BCAR3: variants seen among roughly 807,000 people sequenced by gnomAD.
BCAR3 encodes breast cancer anti-estrogen resistance protein 3.
Under a neutral mutation model 80.1 loss-of-function variants are expected in BCAR3, and 37 were observed. That is an observed-to-expected ratio of 0.46 (90% CI 0.36 to 0.61). BCAR3 has a LOEUF of 0.61. Among genes scored for constraint, BCAR3 ranks in the 20% least tolerant of loss-of-function variants. The pLI, the probability that BCAR3 is intolerant of heterozygous loss-of-function variation, is 0.00. For missense variants in BCAR3, 978 were observed against 1,068.2 expected (o/e 0.92, Z 1.18); for synonymous variants, 389 against 418.9 (o/e 0.93, Z 0.87).
At chr1:93,846,711 C>A in intron 1 of BCAR3, 1 of 357,588 alleles carries the variant, frequency 2.8e-6, no homozygotes, top group Non-Finnish European at 5.5e-6. Flanking sequence ...GTGCTGACAC[C>A]CTCCCGGCTT....
chr1:93,705,292 C>T (rs891709874), intron 3 of BCAR3, among the ~76,000 whole-genome samples: 1 of 152,102 alleles, frequency 6.6e-6, no homozygotes, highest in Non-Finnish European at 1.5e-5. Context: ...GACCAATTTA[C>T]CCTGTGACAT....
At chr1:93,827,291 G>C (rs1654405628) in intron 2 of BCAR3, among the ~76,000 whole-genome samples, 1 of 152,148 alleles carries the variant, frequency 6.6e-6, no homozygotes, top group Non-Finnish European at 1.5e-5. Flanking sequence ...ACAGGGACAA[G>C]TTTGTAATGA....
chr1:93,765,470 GA>G (rs1475649706), intron 2 of BCAR3, among the ~76,000 whole-genome samples: 1 of 152,122 alleles, frequency 6.6e-6, no homozygotes, highest in African/African-American at 2.4e-5. Context: ...ACTCTACTGA[GA>G]TATGATTGAC....
At position 93,647,598 on chromosome 1, in the gene BCAR3, ACTT is replaced by A. The variant is rs1206921937; in HGVS notation, c.318-5258_318-5256del. Among the ~76,000 whole-genome samples, 12 of 152,100 alleles carry A rather than the reference ACTT, an allele frequency of 7.9e-5. No individual in the cohort carries two copies. The South Asian group carries it at 1.9e-3, about 24-fold the overall frequency. The stretch of plus-strand genomic sequence containing the variant: ...GGGACAGTGATATTCTAGAGAAAAC[ACTT>A]CTTCTAAATAGAAGGACACTCTGCT... On this transcript the variant is annotated intron_variant, in intron 2 of 11. Coordinates refer to ENST00000260502, the MANE Select transcript of BCAR3 (RefSeq NM_003567.4).
chr1:93,568,099 T>C (rs968624208), intron 9 of BCAR3: 7 of 369,516 alleles, frequency 1.9e-5, no homozygotes, highest in Admixed American at 1.6e-4. Context: ...GGCGGGAGAA[T>C]TGCTTGAACC....
At chr1:93,820,038 T>G (rs1195165686) in intron 2 of BCAR3, among the ~76,000 whole-genome samples, 1 of 152,204 alleles carries the variant, frequency 6.6e-6, no homozygotes, top group Non-Finnish European at 1.5e-5. Flanking sequence ...TGTTCCTGCA[T>G]TAATTTGCTT....
chr1:93,743,116 G>GA (rs1266796012), intron 2 of BCAR3, among the ~76,000 whole-genome samples: 2 of 152,062 alleles, frequency 1.3e-5, no homozygotes, highest in African/African-American at 4.8e-5. Flanking sequence ...TTTGTTATCA[G>GA]AAAAAAATGT....
chr1:93,666,376 ATAT>A (rs1647913605), intron 2 of BCAR3, among the ~76,000 whole-genome samples: 1 of 152,236 alleles, frequency 6.6e-6, no homozygotes, highest in Admixed American at 6.5e-5. Context: ...TTACTGAAAT[ATAT>A]TCTCTTTTTA....
At chr1:93,777,212 C>T (rs145061143) in intron 2 of BCAR3, among the ~76,000 whole-genome samples, 292 of 152,270 alleles carry the variant, frequency 1.9e-3, no homozygotes, top group African/African-American at 6.6e-3. Flanking sequence ...TCCAGAGCTG[C>T]GAGACAATAA....
chr1:93,719,692 G>A (rs556905267), intron 2 of BCAR3, among the ~76,000 whole-genome samples: 4 of 152,164 alleles, frequency 2.6e-5, no homozygotes, highest in East Asian at 3.9e-4. Context: ...TTAGTTTAAC[G>A]AGCTAAGCAC....
chr1:93,669,386 C>G (rs1240894039), intron 2 of BCAR3, among the ~76,000 whole-genome samples: 1 of 152,186 alleles, frequency 6.6e-6, no homozygotes, highest in Non-Finnish European at 1.5e-5. Context: ...CCTTGAAGAT[C>G]TGACATTGTG....
intron 2 of BCAR3, among the ~76,000 whole-genome samples, chr1:93,649,794 C>T (rs1388375376): frequency 1.3e-5 from 2 of 151,226 alleles, no homozygotes; most frequent in Admixed American, 6.6e-5. Flanking sequence ...GAAGTCATGA[C>T]ATTGCTATGA....
chr1:93,716,203 A>G (rs1650182387), intron 2 of BCAR3, among the ~76,000 whole-genome samples: 1 of 152,216 alleles, frequency 6.6e-6, no homozygotes, highest in Admixed American at 6.5e-5. Context: ...TGATTCTAAC[A>G]AAAGATCTTT....
At chr1:93,787,717 G>A (rs57870303) in intron 2 of BCAR3, among the ~76,000 whole-genome samples, 12,865 of 152,174 alleles carry the variant, frequency 0.085, 624 homozygotes, top group African/African-American at 0.12. Context: ...ATTGAGAATT[G>A]TTTTGTGGCC....
chr1:93,689,679 T>C (rs959879885), intron 3 of BCAR3, among the ~76,000 whole-genome samples: 20 of 152,148 alleles, frequency 1.3e-4, no homozygotes, highest in African/African-American at 4.6e-4. Flanking sequence ...CTAGTGGCGA[T>C]GGCCACCTGA....
intron 2 of BCAR3, among the ~76,000 whole-genome samples, chr1:93,723,056 A>G (rs907593780): frequency 6.6e-6 from 1 of 152,182 alleles, no homozygotes; most frequent in Non-Finnish European, 1.5e-5. Context: ...AATGCCTGGA[A>G]GAAAGAAAGG....
chr1:93,672,948 C>T (rs1429656176), intron 2 of BCAR3, among the ~76,000 whole-genome samples: 2 of 152,228 alleles, frequency 1.3e-5, no homozygotes, highest in African/African-American at 4.8e-5. Context: ...TACACTCCAG[C>T]CACAGGCCAT....
intron 1 of BCAR3, 61 bp from the exon 2 acceptor site, chr1:93,675,002 T>G (rs774341524): frequency 1.0e-4 from 138 of 1,348,608 alleles, no homozygotes; most frequent in Non-Finnish European, 1.2e-4. Flanking sequence ...ACTGACTTCC[T>G]ACTTACAAAA....
intron 3 of BCAR3, among the ~76,000 whole-genome samples, chr1:93,609,672 T>A (rs1674892357): frequency 6.6e-6 from 1 of 152,168 alleles, no homozygotes; most frequent in Non-Finnish European, 1.5e-5. Flanking sequence ...TTTTACCAAG[T>A]TCCTCCTCTA....
Sources: allele counts gnomAD v4.1 joint callset (sites outside exome capture counted in the v4.1 genomes callset), GRCh38; gene constraint gnomAD v4.1.1; transcripts MANE v1.5; gene names NCBI Gene and HGNC (gene_info 2026-07-23, HGNC 2026-07-21).